Variants in CYP3A7 observed in about 807,000 individuals in gnomAD.
The protein encoded by CYP3A7 is cytochrome P450 family 3 subfamily A member 7, also known as cytochrome P450 3A7.
CYP3A7 carries 45 observed loss-of-function variants against 55.2 expected under a neutral mutation model. The ratio of observed to expected loss-of-function variants is 0.82; its 90% CI spans 0.64 to 1.05. CYP3A7 has a LOEUF of 1.05. CYP3A7 is among the 50% of genes least tolerant of loss of function. The pLI, the probability that CYP3A7 is intolerant of heterozygous loss-of-function variation, is 0.00. For synonymous variants in CYP3A7, 180 were observed against 207.4 expected, an observed-to-expected ratio of 0.87 and a Z score of 1.13; for missense variants, 548 against 605.3, an observed-to-expected ratio of 0.91 and a Z score of 0.99.
chr7:99,705,656 C>T, intron 12 of CYP3A7, 61 bp from the exon 13 acceptor site: 1 of 1,588,896 alleles, frequency 6.3e-7, no homozygotes, highest in Non-Finnish European at 8.6e-7. Flanking sequence ...GAAAGTATAG[C>T]ATCAAAGTAA....
At chr7:99,723,433 C>G (rs539830087) in intron 2 of CYP3A7, among the ~76,000 whole-genome samples, 1 of 152,276 alleles carries the variant, frequency 6.6e-6, no homozygotes, top group Non-Finnish European at 1.5e-5. Context: ...CACTGCTTAC[C>G]CCAGTCCTAT....
At chr7:99,713,732 A>G (rs1250173438) in intron 8 of CYP3A7, among the ~76,000 whole-genome samples, 197 bp from the exon 9 acceptor site, 1 of 152,126 alleles carries the variant, frequency 6.6e-6, no homozygotes, top group Admixed American at 6.5e-5. Flanking sequence ...CCTGAAACAA[A>G]TCTGGCTAAA....
rs201591102 is a variant in CYP3A7, at chr7:99,705,529, A to G, written c.1483T>C (p.Ser495Pro). The G allele has an allele frequency of 2.5e-6, 4 of 1,613,510 alleles. No homozygotes were observed. The South Asian group carries it at 4.4e-5, about 18-fold the overall frequency. Residue 495 changes from serine (S) to proline (P), a missense_variant, in exon 13 of 13, where the codon TCA becomes CCA. By Grantham distance (74) the Ser-to-Pro change is moderately conservative. Transcript: ENST00000336374. ...TEKPIVLKAE[S>P]RDETVSGA ...GCTCCACTTACGGTCTCATCCCTTG[A>G]CTCAGCCTTTAGAACAATGGGTTTT...
chr7:99,727,106 A>C (rs1448418904), intron 2 of CYP3A7, among the ~76,000 whole-genome samples: 4 of 152,174 alleles, frequency 2.6e-5, no homozygotes, highest in Non-Finnish European at 4.4e-5. Flanking sequence ...CCTTGAAGAC[A>C]GCTCTAGAGG....
At chr7:99,717,491 TAA>T (rs1240829339) in intron 5 of CYP3A7, 33 bp downstream of exon 5, 7 of 1,611,818 alleles carry the variant, frequency 4.3e-6, no homozygotes, top group Non-Finnish European at 4.2e-6. Context: ...ATTCATTCTT[TAA>T]GTTTCTAATT....
At chr7:99,718,952 G>A (rs565672979) in intron 4 of CYP3A7, among the ~76,000 whole-genome samples, 1 of 152,254 alleles carries the variant, frequency 6.6e-6, no homozygotes, top group African/African-American at 2.4e-5. Context: ...AACAAAACAT[G>A]CACAGGATCT....
chr7:99,722,768 C>T (rs1443600725), intron 2 of CYP3A7, among the ~76,000 whole-genome samples: 1 of 152,156 alleles, frequency 6.6e-6, no homozygotes. Flanking sequence ...TGTTCTTCAT[C>T]CTTTTCATTT....
intron 9 of CYP3A7, 55 bp from the exon 10 acceptor site, chr7:99,710,947 G>C (rs1361457750): frequency 1.9e-6 from 3 of 1,611,880 alleles, no homozygotes; most frequent in Non-Finnish European, 2.5e-6. Flanking sequence ...GGGCATCACA[G>C]TTTAGATGAA....
intron 12 of CYP3A7, among the ~76,000 whole-genome samples, chr7:99,706,592 G>A (rs1243313533): frequency 1.3e-5 from 2 of 152,170 alleles, no homozygotes; most frequent in East Asian, 1.9e-4. Context: ...AATGACATCT[G>A]TTCTTTAACT....
At position 99,708,915 on chromosome 7, in the gene CYP3A7, A is replaced by G. The variant is rs1813633639; in HGVS notation, c.1253+120T>C. The G allele has an allele frequency of 1.3e-5, 15 of 1,189,990 alleles. No individual in the cohort carries two copies. The South Asian group carries it at 1.7e-4, about 14-fold the overall frequency. 73.7% of individuals were successfully genotyped at this position (1,189,990 alleles called of 1,614,324 possible). A position where few individuals can be genotyped will look rare whatever the true frequency, so the allele number is the denominator to read the frequency against. ...ATGATCAATTTCATGATTTGAAAAA[A>G]CCTTTTAAACATAAAAAGACAAGCA... On this transcript the variant is annotated intron_variant, in intron 11 of 12. Transcript: ENST00000336374.
At chr7:99,732,669 A>G (rs1423764660) in intron 1 of CYP3A7, among the ~76,000 whole-genome samples, 8 of 152,294 alleles carry the variant, frequency 5.3e-5, no homozygotes, top group Non-Finnish European at 1.0e-4. Flanking sequence ...AGAAAAGTTG[A>G]TGGAAGAGGT....
rs769905972 is a variant in CYP3A7, at chr7:99,735,113, C to T, written c.-20G>A. On this transcript the variant is annotated 5_prime_UTR_variant, in exon 1 of 13. Transcript: ENST00000336374. ...ATCCATCACTACTTTCCTTCCTTATCTCTCTCCTCTGAGTCTTTTTTTCAG... is the reference window on the plus strand; with the variant it reads ...ATCCATCACTACTTTCCTTCCTTATTTCTCTCCTCTGAGTCTTTTTTTCAG... 3.1e-6 allele frequency: 5 copies of T among 1,613,800 alleles called. No individual in the cohort carries two copies. The highest frequency in any genetic ancestry group is 4.2e-6 in the Non-Finnish European group (5 of 1,179,806).
intron 10 of CYP3A7, 64 bp downstream of exon 10, chr7:99,710,668 G>C: frequency 6.2e-7 from 1 of 1,612,298 alleles, no homozygotes; most frequent in Non-Finnish European, 8.5e-7. Flanking sequence ...CCTGGGAAGT[G>C]GTGAGGAAGC....
intron 10 of CYP3A7, 24 bp downstream of exon 10, chr7:99,710,708 C>A: frequency 6.2e-7 from 1 of 1,613,714 alleles, no homozygotes; most frequent in Non-Finnish European, 8.5e-7. Context: ...CTCCTCCCTC[C>A]TTCTCCATGT....
intron 8 of CYP3A7, among the ~76,000 whole-genome samples, chr7:99,713,960 C>T (rs1662950950): frequency 6.6e-6 from 1 of 152,192 alleles, no homozygotes; most frequent in Non-Finnish European, 1.5e-5. Context: ...GTTACCCCTT[C>T]TTGCCCCCCT....
rs373774722 is a variant in CYP3A7, at chr7:99,715,783, T to G, written c.645A>C (p.Pro215=). 2.3e-5 allele frequency: 37 copies of G among 1,613,896 alleles called. No individual in the cohort carries two copies. In the African/African-American group the frequency reaches 3.9e-4, roughly 17 times the overall value. Reference sequence around the variant, plus strand: ...TTATTGAGAGAACGAATGGATCTAATGGATTAAATCTTAAAAGCTTCTTGG... The same window carrying G: ...TTATTGAGAGAACGAATGGATCTAAGGGATTAAATCTTAAAAGCTTCTTGG... ...ENTKKLLRFN[P]LDPFVLSIKV... Residue 215 remains proline, a synonymous_variant, in exon 7 of 13, where the codon CCA becomes CCC. Coordinates refer to ENST00000336374, the MANE Select transcript of CYP3A7 (RefSeq NM_000765.5).
rs547064195 is a variant in CYP3A7, at chr7:99,718,693, A to T, written c.319-1054T>A. ...GGAAAAAGAATTAAAAGGCATACAG[A>T]TTGGAAAGGAAATAAAAGAATTGTC... On this transcript the variant is annotated intron_variant, in intron 4 of 12. Transcript: ENST00000336374. Among the ~76,000 whole-genome samples, 5 of 152,320 alleles carry T rather than the reference A, an allele frequency of 3.3e-5. 1 individual carries two copies. Among genetic ancestry groups the T allele is most frequent in the African/African-American group, 1.2e-4 (5 of 41,582 alleles).
intron 12 of CYP3A7, among the ~76,000 whole-genome samples, chr7:99,706,941 G>C (rs1813549006): frequency 6.6e-6 from 1 of 152,194 alleles, no homozygotes; most frequent in Admixed American, 6.5e-5. Flanking sequence ...CTTAGATAAA[G>C]AGAAAATATA....
rs200849307 is a variant in CYP3A7, at chr7:99,705,599, C to A, written c.1417-4G>T. 1.2e-6 allele frequency: 2 copies of A among 1,612,792 alleles called. No individual in the cohort carries two copies. The highest frequency in any genetic ancestry group is 3.3e-5 in the Admixed American group (2 of 59,954). On this transcript the variant is annotated splice_region_variant and splice_polypyrimidine_tract_variant and intron_variant, in intron 12 of 12. Transcript: ENST00000336374. ...CAAAGCGTAATTTCAGGGGGATCTG[C>A]AACAGTTAAACGAGCATATTGAGAA... is the stretch of plus-strand genomic sequence containing the variant.
Sources: gnomAD v4.1 joint callset for allele counts (sites outside exome capture counted in the v4.1 genomes callset) on GRCh38, gnomAD v4.1.1 for gene constraint, MANE v1.5 for transcripts, NCBI Gene and HGNC (gene_info 2026-07-23, HGNC 2026-07-21) for gene names.